Variants in APBB2 observed in about 807,000 individuals in gnomAD.
The protein encoded by APBB2 is amyloid beta precursor protein binding family B member 2, also known as Fe65-like 1.
Under a neutral mutation model 82.5 loss-of-function variants are expected in APBB2, and 38 were observed. That is an observed-to-expected ratio of 0.46 (90% CI 0.36 to 0.60). The LOEUF (loss-of-function observed/expected upper bound fraction) is 0.60, where lower values mean the gene tolerates loss of function less well. Among genes scored for constraint, APBB2 ranks in the 20% least tolerant of loss-of-function variants. The probability of loss-of-function intolerance (pLI) is 0.00; values close to 1 mark genes in which losing one functional copy is unlikely to be tolerated. For missense variants in APBB2, 772 were observed against 972.3 expected, an observed-to-expected ratio of 0.79 and a Z score of 2.74; for synonymous variants, 341 against 368.2, an observed-to-expected ratio of 0.93 and a Z score of 0.85.
At chr4:40,840,143 C>T (rs967003932) in intron 12 of APBB2, among the ~76,000 whole-genome samples, 1 of 152,202 alleles carries the variant, frequency 6.6e-6, no homozygotes, top group Non-Finnish European at 1.5e-5. Flanking sequence ...CCAAACATCG[C>T]ACTTCTGGCA....
chr4:41,030,352 C>T (rs970656746), intron 5 of APBB2, among the ~76,000 whole-genome samples: 1 of 152,194 alleles, frequency 6.6e-6, no homozygotes, highest in African/African-American at 2.4e-5. Context: ...TTGGAGTAGT[C>T]AACTTTGGAA....
intron 1 of APBB2, among the ~76,000 whole-genome samples, chr4:41,209,756 G>T (rs1247722484): frequency 2.0e-5 from 3 of 152,200 alleles, no homozygotes; most frequent in African/African-American, 7.2e-5. Flanking sequence ...AGACTGGCAG[G>T]GCCATAAAGT....
chr4:40,835,529 C>T (rs1315820196), intron 12 of APBB2, among the ~76,000 whole-genome samples: 2 of 152,200 alleles, frequency 1.3e-5, no homozygotes, highest in Non-Finnish European at 2.9e-5. Context: ...GAAGGCCCCC[C>T]AGTTGTTTGC....
At chr4:40,903,702 A>G (rs993956477) in intron 10 of APBB2, among the ~76,000 whole-genome samples, 7 of 152,178 alleles carry the variant, frequency 4.6e-5, no homozygotes, top group African/African-American at 7.2e-5. Context: ...TAGAAGCCAC[A>G]GGGAACAGGC....
At chr4:40,936,921 G>A (rs917447674) in intron 7 of APBB2, among the ~76,000 whole-genome samples, 4 of 152,174 alleles carry the variant, frequency 2.6e-5, no homozygotes, top group African/African-American at 9.7e-5. Flanking sequence ...ACATTTTCCT[G>A]AGAGAAAGAT....
intron 5 of APBB2, among the ~76,000 whole-genome samples, chr4:41,017,666 A>G (rs1221358742): frequency 1.3e-5 from 2 of 151,086 alleles, no homozygotes; most frequent in East Asian, 1.9e-4. Context: ...TGTGAGCTCC[A>G]CTCACTACTT....
At chr4:40,920,452 T>G (rs1477876354) in intron 10 of APBB2, among the ~76,000 whole-genome samples, 2 of 152,196 alleles carry the variant, frequency 1.3e-5, no homozygotes, top group East Asian at 3.9e-4. Context: ...CTGCATTTTC[T>G]CTTACCTCTC....
chr4:40,960,270 C>T (rs1028967478), intron 6 of APBB2, among the ~76,000 whole-genome samples: 1 of 151,846 alleles, frequency 6.6e-6, no homozygotes, highest in Non-Finnish European at 1.5e-5. Context: ...AGGAGTACCT[C>T]TACCTACATT....
At chr4:40,929,970 A>G (rs182718462) in intron 10 of APBB2, among the ~76,000 whole-genome samples, 39 of 152,286 alleles carry the variant, frequency 2.6e-4, no homozygotes, top group African/African-American at 9.4e-4. Flanking sequence ...ATTAAATGAA[A>G]TATTACCATG....
At chr4:41,051,933 A>G (rs548516536) in intron 4 of APBB2, among the ~76,000 whole-genome samples, 13 of 152,250 alleles carry the variant, frequency 8.5e-5, no homozygotes, top group Non-Finnish European at 1.9e-4. Context: ...GAGAATATCT[A>G]TACCAAATGT....
At chr4:41,108,272 G>C (rs888053223) in intron 2 of APBB2, among the ~76,000 whole-genome samples, 30 of 152,144 alleles carry the variant, frequency 2.0e-4, no homozygotes, top group African/African-American at 7.2e-4. Context: ...TACCCACCCT[G>C]TATAAAGAGA....
At chr4:41,169,156 G>A (rs1482736537) in intron 1 of APBB2, among the ~76,000 whole-genome samples, 1 of 129,712 alleles carries the variant, frequency 7.7e-6, no homozygotes, top group East Asian at 2.3e-4. Context: ...CTGCACTCCA[G>A]CTTGGCGACA....
At chr4:40,923,064 C>G (rs959508605) in intron 10 of APBB2, among the ~76,000 whole-genome samples, 8 of 148,470 alleles carry the variant, frequency 5.4e-5, no homozygotes, top group African/African-American at 2.0e-4. Context: ...AAGCTCCGCC[C>G]TCCCAGGTTC....
chr4:41,056,276 G>A (rs1003967657), intron 4 of APBB2, among the ~76,000 whole-genome samples: 1 of 152,140 alleles, frequency 6.6e-6, no homozygotes, highest in Non-Finnish European at 1.5e-5. Flanking sequence ...ATTGGCATAT[G>A]CACTCCCCTA....
intron 5 of APBB2, among the ~76,000 whole-genome samples, chr4:41,019,046 G>A (rs933980782): frequency 6.6e-6 from 1 of 152,170 alleles, no homozygotes; most frequent in Admixed American, 6.5e-5. Flanking sequence ...TGAAGAGTCT[G>A]GTGAATTGAG....
chr4:41,039,676 T>A (rs372357163), intron 4 of APBB2, among the ~76,000 whole-genome samples: 1 of 152,028 alleles, frequency 6.6e-6, no homozygotes, highest in South Asian at 2.1e-4. Flanking sequence ...CTGGGCAACA[T>A]AGTGAGACCC....
At position 41,026,270 on chromosome 4, in the gene APBB2, A is replaced by G. The variant is rs183938997; in HGVS notation, c.19+6966T>C. ...CCTAGGTGATGAAATAATCTGAACA[A>G]CAAAGCCCCATGACATGTGTTTACC... On this transcript the variant is annotated intron_variant, in intron 5 of 17. Coordinates refer to ENST00000508593, the MANE Select transcript of APBB2 (RefSeq NM_004307.2). Among the ~76,000 whole-genome samples the G allele has an allele frequency of 1.3e-3, 205 of 152,312 alleles. 1 individual carries two copies. The East Asian group carries it at 0.017, about 13-fold the overall frequency.
intron 1 of APBB2, among the ~76,000 whole-genome samples, chr4:41,181,668 G>A (rs568317028): frequency 1.1e-4 from 16 of 152,200 alleles, no homozygotes; most frequent in African/African-American, 2.9e-4. Flanking sequence ...TAGCATGGCC[G>A]GGCACAGTGG....
At chr4:40,839,358 C>T (rs917769079) in intron 12 of APBB2, among the ~76,000 whole-genome samples, 1 of 152,008 alleles carries the variant, frequency 6.6e-6, no homozygotes, top group South Asian at 2.1e-4. Flanking sequence ...GTCAGCTGCA[C>T]CAGAGCCCAT....
Sources: gnomAD v4.1 joint callset for allele counts (sites outside exome capture counted in the v4.1 genomes callset) on GRCh38, gnomAD v4.1.1 for gene constraint, MANE v1.5 for transcripts, NCBI Gene and HGNC (gene_info 2026-07-23, HGNC 2026-07-21) for gene names.